HPSE2: variants seen among roughly 807,000 people sequenced by gnomAD.
HPSE2 encodes the protein heparanase 2 (inactive).
A neutral mutation model predicts 60.5 loss-of-function variants in HPSE2; 38 were observed. The observed-to-expected ratio is 0.63, with a 90% CI of 0.48 to 0.82. HPSE2 has a LOEUF of 0.82. Ranked by LOEUF, HPSE2 falls within the 40% of genes least tolerant of loss-of-function variation. The pLI, the probability that HPSE2 is intolerant of heterozygous loss-of-function variation, is 0.00. For missense variants in HPSE2, 713 were observed against 740.4 expected, an observed-to-expected ratio of 0.96 and a Z score of 0.43; for synonymous variants, 295 against 293.2, an observed-to-expected ratio of 1.01 and a Z score of -0.06.
rs905690353 is a variant in HPSE2, at chr10:98,744,209, G to T, written c.611-153C>A. ...AAAGGGACTATTACCTTTTGGTCTG[G>T]GTACATTTCAAGTTGACTTTAGAAA... On this transcript the variant is annotated intron_variant, in intron 3 of 11. Coordinates refer to ENST00000370552, the MANE Select transcript of HPSE2 (RefSeq NM_021828.5). 1.6e-5 allele frequency: 12 copies of T among 768,272 alleles called. 1 individual carries two copies. The highest frequency in any genetic ancestry group is 2.6e-5 in the Non-Finnish European group (12 of 459,346). The allele number at this position is 768,272 out of a possible 1,614,324, so 47.6% of individuals were successfully genotyped here.
At chr10:99,093,835 AT>A (rs1212388280) in intron 3 of HPSE2, among the ~76,000 whole-genome samples, 9 of 152,084 alleles carry the variant, frequency 5.9e-5, no homozygotes, top group Non-Finnish European at 1.0e-4. Flanking sequence ...CTCTTAATCT[AT>A]TTTTATTTAT....
At position 98,827,515 on chromosome 10, in the gene HPSE2, T is replaced by C. The variant is rs866995959; in HGVS notation, c.611-83459A>G. Among the ~76,000 whole-genome samples, 19 of 152,284 alleles carry C rather than the reference T, an allele frequency of 1.2e-4. No homozygotes were observed. In the South Asian group the frequency reaches 3.7e-3, roughly 30 times the overall value. The stretch of plus-strand genomic sequence containing the variant: ...GCCACTGCGCCCGGCCCTACACCAC[T>C]AGGTTTTCAACAGTGGTTTGTTACG... On this transcript the variant is annotated intron_variant, in intron 3 of 11. Transcript: ENST00000370552.
At position 98,917,155 on chromosome 10, in the gene HPSE2, C is replaced by T. The variant is rs572753137; in HGVS notation, c.611-173099G>A. 7.5e-4 allele frequency among the ~76,000 whole-genome samples: 114 copies of T among 152,262 alleles called. 1 individual carries two copies. The highest frequency in any genetic ancestry group is 3.9e-3 in the South Asian group (19 of 4,822). ...AGACTATTTTATCATTGTCAACTTA[C>T]ATGCAGACCACCCTGACACCCCCAC... On this transcript the variant is annotated intron_variant, in intron 3 of 11. Coordinates refer to ENST00000370552, the MANE Select transcript of HPSE2 (RefSeq NM_021828.5).
intron 3 of HPSE2, among the ~76,000 whole-genome samples, chr10:99,027,475 T>TC (rs1436013337): frequency 2.6e-5 from 4 of 152,096 alleles, no homozygotes; most frequent in African/African-American, 7.2e-5. Flanking sequence ...ATAAAAAGTT[T>TC]CCCACTAAAG....
At chr10:98,884,790 C>T (rs1953121167) in intron 3 of HPSE2, among the ~76,000 whole-genome samples, 1 of 152,052 alleles carries the variant, frequency 6.6e-6, no homozygotes. Context: ...CTTAGATTCT[C>T]GTAAGGAGCA....
intron 3 of HPSE2, among the ~76,000 whole-genome samples, chr10:99,083,786 C>T (rs1252461978): frequency 6.6e-6 from 1 of 151,848 alleles, no homozygotes; most frequent in Non-Finnish European, 1.5e-5. Context: ...TCTTTTCCTC[C>T]AACAAATATG....
intron 5 of HPSE2, among the ~76,000 whole-genome samples, chr10:98,718,625 G>A (rs1226465943): frequency 1.3e-5 from 2 of 152,148 alleles, no homozygotes; most frequent in African/African-American, 4.8e-5. Flanking sequence ...GTGAAATTCT[G>A]TCATTTTCAG....
intron 3 of HPSE2, among the ~76,000 whole-genome samples, chr10:98,982,328 C>T (rs1292603597): frequency 6.6e-6 from 1 of 152,074 alleles, no homozygotes; most frequent in Non-Finnish European, 1.5e-5. Context: ...AAGTTAATTT[C>T]AAAACATACA....
At chr10:99,116,409 C>T (rs557328130) in intron 3 of HPSE2, among the ~76,000 whole-genome samples, 1 of 152,100 alleles carries the variant, frequency 6.6e-6, no homozygotes, top group African/African-American at 2.4e-5. Context: ...TACAAAAAAA[C>T]CCCAGAAAAT....
intron 9 of HPSE2, among the ~76,000 whole-genome samples, chr10:98,550,729 C>T (rs565466128): frequency 6.6e-6 from 1 of 152,164 alleles, no homozygotes; most frequent in South Asian, 2.1e-4. Context: ...CCGCCTCGGC[C>T]TCCCAAAGTG....
At chr10:98,992,457 C>T (rs10883242) in intron 3 of HPSE2, among the ~76,000 whole-genome samples, 114,825 of 152,042 alleles carry the variant, frequency 0.76, 43,812 homozygotes, top group East Asian at 0.86. Context: ...GGGAGATCAA[C>T]AGGGAAGCTG....
At chr10:98,539,978 G>A (rs781591134) in intron 9 of HPSE2, among the ~76,000 whole-genome samples, 2 of 152,218 alleles carry the variant, frequency 1.3e-5, no homozygotes, top group East Asian at 1.9e-4. Context: ...GTAGGGAACC[G>A]GGATTTCAGG....
the HPSE2 span, among the ~76,000 whole-genome samples, chr10:99,260,521 T>C: frequency 6.6e-6 from 1 of 152,176 alleles, no homozygotes; most frequent in Non-Finnish European, 1.5e-5. Flanking sequence ...CCCTTCAATC[T>C]TCCTCTCTCA....
chr10:99,214,721 T>C (rs1849062249), intron 2 of HPSE2, among the ~76,000 whole-genome samples: 1 of 151,616 alleles, frequency 6.6e-6, no homozygotes, highest in Non-Finnish European at 1.5e-5. Flanking sequence ...ATCCAGAATC[T>C]ACAAGCAACT....
chr10:98,904,771 A>T (rs1953763134), intron 3 of HPSE2, among the ~76,000 whole-genome samples: 1 of 152,202 alleles, frequency 6.6e-6, no homozygotes, highest in African/African-American at 2.4e-5. Flanking sequence ...GCTAAAGAAC[A>T]AGTAATCACA....
At chr10:98,598,092 T>C (rs1318334681) in intron 9 of HPSE2, among the ~76,000 whole-genome samples, 3 of 152,138 alleles carry the variant, frequency 2.0e-5, no homozygotes, top group Non-Finnish European at 4.4e-5. Context: ...ACAGTATATT[T>C]TCAAACAACT....
At chr10:98,931,622 C>T (rs570441517) in intron 3 of HPSE2, among the ~76,000 whole-genome samples, 2 of 143,816 alleles carry the variant, frequency 1.4e-5, no homozygotes, top group Non-Finnish European at 3.0e-5. Context: ...TTCTATCTGC[C>T]TGTGTCCTCT....
At chr10:98,541,974 C>T (rs1202202419) in intron 9 of HPSE2, among the ~76,000 whole-genome samples, 1 of 148,464 alleles carries the variant, frequency 6.7e-6, no homozygotes, top group African/African-American at 2.4e-5. Flanking sequence ...CAGTGGTTCT[C>T]CCAGCACGCA....
At chr10:99,018,980 G>A (rs1341505582) in intron 3 of HPSE2, among the ~76,000 whole-genome samples, 2 of 152,198 alleles carry the variant, frequency 1.3e-5, no homozygotes, top group Admixed American at 6.5e-5. Context: ...GTGCTTCCAT[G>A]ATGTACTAAA....
Sources: gnomAD v4.1 joint callset for allele counts (sites outside exome capture counted in the v4.1 genomes callset) on GRCh38, gnomAD v4.1.1 for gene constraint, MANE v1.5 for transcripts, NCBI Gene and HGNC (gene_info 2026-07-23, HGNC 2026-07-21) for gene names.